The following RIPK4 variants were observed in gnomAD, a reference collection of about 807,000 sequenced individuals.
RIPK4 encodes receptor interacting serine/threonine kinase 4.
In RIPK4, 17 loss-of-function variants were observed where a neutral mutation model predicts 42.9. That is an observed-to-expected ratio of 0.40 (90% confidence interval 0.27 to 0.59). The LOEUF (loss-of-function observed/expected upper bound fraction) is 0.59, where lower values mean the gene tolerates loss of function less well. RIPK4 is among the 20% of genes least tolerant of loss of function. RIPK4 has a pLI of 0.47. For synonymous variants in RIPK4, 498 were observed against 499.1 expected, an observed-to-expected ratio of 1.00 and a Z score of 0.03; for missense variants, 897 against 1,104.4, an observed-to-expected ratio of 0.81 and a Z score of 2.66.
chr21:41,750,052 G>T (rs2061184106), intron 3 of RIPK4, among the ~76,000 whole-genome samples: 1 of 152,106 alleles, frequency 6.6e-6, no homozygotes, highest in African/African-American at 2.4e-5. Context: ...AAAATAAATG[G>T]AGAGGATCTC....
chr21:41,763,788 C>T (rs1032862724), intron 1 of RIPK4, among the ~76,000 whole-genome samples: 9 of 152,228 alleles, frequency 5.9e-5, no homozygotes, highest in African/African-American at 1.9e-4. Flanking sequence ...AGGCTCGCCC[C>T]GACCAGCCAG....
Position 41,741,572 on chromosome 21 carries a change from T to A in RIPK4, c.1621A>T (p.Met541Leu). The part of the protein sequence containing the change: ...NEVDFEGRTP[M>L]HVACQHGQEN... ...TGCCCGTGCTGGCAGGCCACGTGCA[T>A]GGGCGTCCGGCCCTCAAAGTCCACC... is the stretch of plus-strand genomic sequence containing the variant. The change falls in exon 8 of 8, where the codon ATG (methionine) becomes TTG (leucine). Residue 541 changes from methionine (M) to leucine (L), a missense_variant. Met to Leu is a conservative substitution (Grantham distance 15). Coordinates refer to ENST00000332512, the MANE Select transcript of RIPK4 (RefSeq NM_020639.3). 1 of 1,611,874 alleles carries A rather than the reference T, an allele frequency of 6.2e-7. No individual in the cohort carries two copies. The highest frequency in any genetic ancestry group is 1.1e-5 in the South Asian group (1 of 91,088).
At position 41,739,976 on chromosome 21, in the gene RIPK4, G is replaced by A. The variant is rs1203623245; in HGVS notation, c.*862C>T. ...AGCTTCTCCTGCACCTCTTCCCCAA[G>A]ACTGGTGCACTCCAGCGACCTGAGG... On this transcript the variant is annotated 3_prime_UTR_variant, in exon 8 of 8. Coordinates refer to ENST00000332512, the MANE Select transcript of RIPK4 (RefSeq NM_020639.3). 6.6e-6 allele frequency: 1 copy of A among 152,222 alleles called. No individual in the cohort carries two copies. The highest frequency in any genetic ancestry group is 1.5e-5 in the Non-Finnish European group (1 of 68,038). 9.4% of individuals were successfully genotyped at this position (152,222 alleles called of 1,614,324 possible).
chr21:41,745,651 A>T, intron 6 of RIPK4, 108 bp downstream of exon 6: 1 of 781,030 alleles, frequency 1.3e-6, no homozygotes, highest in Non-Finnish European at 2.2e-6. Flanking sequence ...GGCTCAGAAG[A>T]GAGGGAGAGT....
chr21:41,746,775 C>T lies in RIPK4; in HGVS notation c.674-4G>A, dbSNP rs777639039. ...ATGTGCAGGATGTTCTTCTCATCTG[C>T]CAAGGGAAGGATGCGAGTCAGGGGC... On this transcript the variant is annotated splice_polypyrimidine_tract_variant and splice_region_variant and intron_variant, in intron 4 of 7. Transcript: ENST00000332512. 2 of 1,580,986 alleles carry T rather than the reference C, an allele frequency of 1.3e-6. No homozygotes were observed. The highest frequency in any genetic ancestry group is 8.6e-7 in the Non-Finnish European group (1 of 1,163,806).
chr21:41,753,624 C>T (rs751699736), intron 2 of RIPK4, among the ~76,000 whole-genome samples: 17 of 152,194 alleles, frequency 1.1e-4, no homozygotes, highest in Non-Finnish European at 2.1e-4. Context: ...CTCTGACCAG[C>T]AAATGCTTCA....
chr21:41,757,313 G>GA (rs2061206586), intron 1 of RIPK4, among the ~76,000 whole-genome samples: 1 of 152,114 alleles, frequency 6.6e-6, no homozygotes, highest in Admixed American at 6.5e-5. Context: ...CTGAGGTCAG[G>GA]AGTTCGAGAC....
chr21:41,743,117 C>A (rs888988660), intron 7 of RIPK4, among the ~76,000 whole-genome samples: 1 of 152,152 alleles, frequency 6.6e-6, no homozygotes, highest in African/African-American at 2.4e-5. Context: ...CCCCTTCCCC[C>A]GAGATTGCAG....
At chr21:41,748,160 C>A (rs533205818) in intron 4 of RIPK4, among the ~76,000 whole-genome samples, 1 of 152,370 alleles carries the variant, frequency 6.6e-6, no homozygotes, top group Non-Finnish European at 1.5e-5. Flanking sequence ...AGAGGCCTGG[C>A]AGGACGCGTT....
chr21:41,756,526 T>C lies in RIPK4; in HGVS notation c.473A>G (p.Lys158Arg), dbSNP rs1420444412. 2.5e-6 allele frequency: 4 copies of C among 1,611,582 alleles called. No individual in the cohort carries two copies. The highest frequency in any genetic ancestry group is 1.7e-6 in the Non-Finnish European group (2 of 1,178,876). The change falls in exon 2 of 8, where the codon AAG becomes AGG. Residue 158 changes from lysine (K) to arginine (R), a missense_variant and splice_region_variant. Transcript: ENST00000332512. ...CTCGGGCACCGTGCGGCCCCCCACC[T>C]TGACGTGGTAGTGGGCATCCAGCAG... ...NILLDAHYHV[K>R]ISDFGLAKCN...
intron 2 of RIPK4, among the ~76,000 whole-genome samples, chr21:41,752,847 G>C (rs368149169): frequency 1.3e-5 from 2 of 152,124 alleles, no homozygotes; most frequent in Non-Finnish European, 2.9e-5. Context: ...AGGGAAGGGA[G>C]AGCATTAGGA....
chr21:41,750,682 CTGTT>C (rs1197939295), intron 3 of RIPK4, among the ~76,000 whole-genome samples: 3 of 152,070 alleles, frequency 2.0e-5, no homozygotes, highest in Non-Finnish European at 2.9e-5. Flanking sequence ...AGCCCCCTTT[CTGTT>C]TGTTTGTTTT....
intron 6 of RIPK4, 83 bp from the exon 7 acceptor site, chr21:41,744,223 A>T: frequency 7.2e-7 from 1 of 1,396,846 alleles, no homozygotes; most frequent in Non-Finnish European, 9.5e-7. Flanking sequence ...CAGAAGAGCA[A>T]GGTGGGCCAC....
rs1356634807 is a variant in RIPK4, at chr21:41,739,391, T to G, written c.*1447A>C. The stretch of plus-strand genomic sequence containing the variant: ...AACCAGCTTCAAAAAAGTAGGCAAG[T>G]ACTTTGCTTTATTGACATCAAATGG... On this transcript the variant is annotated 3_prime_UTR_variant, in exon 8 of 8. Transcript: ENST00000332512. The G allele has an allele frequency of 2.0e-5, 3 of 152,204 alleles. No individual in the cohort carries two copies. Among genetic ancestry groups the G allele is most frequent in the Admixed American group, 2.0e-4 (3 of 15,280 alleles). The allele number at this position is 152,204 out of a possible 1,614,324, so 9.4% of individuals were successfully genotyped here.
At chr21:41,758,742 G>T (rs955860255) in intron 1 of RIPK4, among the ~76,000 whole-genome samples, 3 of 152,366 alleles carry the variant, frequency 2.0e-5, no homozygotes, top group Middle Eastern at 3.4e-3. Context: ...AAGGGGAGAG[G>T]AGTCCTTGCA....
At chr21:41,765,184 C>T (rs1160865959) in intron 1 of RIPK4, among the ~76,000 whole-genome samples, 1 of 152,180 alleles carries the variant, frequency 6.6e-6, no homozygotes, top group Non-Finnish European at 1.5e-5. Context: ...TGAAAATTTT[C>T]ACTGATGATT....
chr21:41,765,735 G>T (rs2061234198), intron 1 of RIPK4, among the ~76,000 whole-genome samples: 1 of 152,368 alleles, frequency 6.6e-6, no homozygotes, highest in Non-Finnish European at 1.5e-5. Flanking sequence ...GCTTCTGAGT[G>T]TATGTGTTCA....
intron 6 of RIPK4, among the ~76,000 whole-genome samples, chr21:41,744,676 A>C (rs1242678402): frequency 6.6e-6 from 1 of 152,338 alleles, no homozygotes; most frequent in East Asian, 1.9e-4. Context: ...GCTGCCCAGC[A>C]CAGGCCAGCG....
chr21:41,767,018 T>C lies in RIPK4; in HGVS notation c.24A>G (p.Pro8=), dbSNP rs1262764025. The C allele has an allele frequency of 3.8e-6, 6 of 1,586,454 alleles. No individual in the cohort carries two copies. In the African/African-American group the frequency reaches 4.2e-5, roughly 11 times the overall value. MEGDGGT[P]WALALLRTFD... ...AGGTGCGCAGCAGCGCCAGGGCCCA[T>C]GGGGTCCCGCCGTCGCCCTCCATCG... The change falls in exon 1 of 8, where the codon CCA becomes CCG. Residue 8 remains proline (P), a synonymous_variant. Transcript: ENST00000332512. This position sits in a 1 kb window ranked among gnomAD's most constrained non-coding sequence, Gnocchi z 4.0.
Sources: gnomAD v4.1 joint callset for allele counts (sites outside exome capture counted in the v4.1 genomes callset) on GRCh38, gnomAD v4.1.1 for gene constraint, Gnocchi (gnomAD v3.1) non-coding constraint, MANE v1.5 for transcripts, NCBI Gene and HGNC (gene_info 2026-07-23, HGNC 2026-07-21) for gene names.